The following MSH3 variants were observed in gnomAD, a reference collection of about 807,000 sequenced individuals.
MSH3 encodes the protein DNA mismatch repair protein Msh3.
In MSH3, 106 loss-of-function variants were observed where a neutral mutation model predicts 123.3. The ratio of observed to expected loss-of-function variants is 0.86; its 90% confidence interval spans 0.73 to 1.01. The LOEUF is 1.01. MSH3 is among the 50% of genes least tolerant of loss of function. The probability of loss-of-function intolerance (pLI) is 0.00; values close to 1 mark genes in which losing one functional copy is unlikely to be tolerated. For missense variants in MSH3, 1,459 were observed against 1,347.6 expected, an observed-to-expected ratio of 1.08 and a Z score of -1.29; for synonymous variants, 515 against 481.4, an observed-to-expected ratio of 1.07 and a Z score of -0.91.
At chr5:80,725,360 A>T in intron 8 of MSH3, 93 bp from the exon 9 acceptor site, 1 of 826,396 alleles carries the variant, frequency 1.2e-6, no homozygotes, top group Admixed American at 2.1e-5. Flanking sequence ...ATAAATCTTT[A>T]TCTTTTTTTT....
intron 15 of MSH3, among the ~76,000 whole-genome samples, chr5:80,774,406 CAAA>C (rs201125276): frequency 2.5e-5 from 3 of 121,784 alleles, no homozygotes; most frequent in African/African-American, 2.9e-5. Flanking sequence ...GGAGGTCCCT[CAAA>C]AAAAAAAAAA....
intron 10 of MSH3, among the ~76,000 whole-genome samples, chr5:80,736,620 C>T (rs1312327674): frequency 6.6e-6 from 1 of 152,136 alleles, no homozygotes; most frequent in African/African-American, 2.4e-5. Flanking sequence ...TGTGCCTTAA[C>T]TGTTTGTGCA....
intron 22 of MSH3, among the ~76,000 whole-genome samples, chr5:80,867,598 C>T (rs1303941946): frequency 2.6e-5 from 4 of 152,110 alleles, no homozygotes; most frequent in Non-Finnish European, 4.4e-5. Flanking sequence ...CTTATAAAAT[C>T]AAGGTTTTCT....
rs1746305977 is a variant in MSH3, at chr5:80,876,292, A to G, written c.*430A>G. 1 of 217,034 alleles carries G rather than the reference A, an allele frequency of 4.6e-6. No individual in the cohort carries two copies. Among genetic ancestry groups the G allele is most frequent in the African/African-American group, 2.3e-5 (1 of 43,804 alleles). The allele number at this position is 217,034 out of a possible 1,614,324, so 13.4% of individuals were successfully genotyped here. On this transcript the variant is annotated 3_prime_UTR_variant, in exon 24 of 24. Transcript: ENST00000265081. ...TGCAACCAGTTTATCCACCAAGAAC[A>G]TAAGAATTTTTTATAAGTAGAAAGA...
At chr5:80,874,259 C>T (rs1746269949) in intron 23 of MSH3, among the ~76,000 whole-genome samples, 1 of 152,146 alleles carries the variant, frequency 6.6e-6, no homozygotes, top group African/African-American at 2.4e-5. Flanking sequence ...TACAGTAGTG[C>T]AGTTAACTTC....
intron 10 of MSH3, among the ~76,000 whole-genome samples, chr5:80,730,239 C>T (rs755727895): frequency 6.6e-6 from 1 of 152,118 alleles, no homozygotes; most frequent in Non-Finnish European, 1.5e-5. Flanking sequence ...ATTTCATGAA[C>T]AGTATATTAA....
At chr5:80,776,162 T>C (rs1414250717) in intron 16 of MSH3, among the ~76,000 whole-genome samples, 1 of 152,214 alleles carries the variant, frequency 6.6e-6, no homozygotes, top group Non-Finnish European at 1.5e-5. Context: ...AGTGCTGGGA[T>C]TACAGGCATG....
intron 19 of MSH3, among the ~76,000 whole-genome samples, chr5:80,804,087 TGAA>T (rs1744840406): frequency 6.6e-6 from 1 of 152,280 alleles, no homozygotes; most frequent in Non-Finnish European, 1.5e-5. Flanking sequence ...TCTATTTCTG[TGAA>T]GAACGTCATT....
At chr5:80,838,096 C>T (rs1745550465) in intron 20 of MSH3, among the ~76,000 whole-genome samples, 2 of 152,174 alleles carry the variant, frequency 1.3e-5, no homozygotes, top group Admixed American at 1.3e-4. Flanking sequence ...ATCATATAAT[C>T]GTGAAATTAA....
At chr5:80,662,083 A>T (rs1016516800) in intron 2 of MSH3, among the ~76,000 whole-genome samples, 4 of 152,224 alleles carry the variant, frequency 2.6e-5, no homozygotes, top group African/African-American at 4.8e-5. Flanking sequence ...ATACAACATT[A>T]ATCTCATAAG....
intron 20 of MSH3, among the ~76,000 whole-genome samples, chr5:80,830,477 A>G (rs529831874): frequency 6.6e-6 from 1 of 152,328 alleles, no homozygotes; most frequent in East Asian, 1.9e-4. Context: ...GCCTCTGGTT[A>G]TATTGGGTTC....
rs115462884 is a variant in MSH3 at position 80,690,734 on chromosome 5, A to G, written c.1340+11641A>G. Among the ~76,000 whole-genome samples, 1,146 of 152,352 alleles carry G rather than the reference A, an allele frequency of 7.5e-3. 16 individuals are homozygous for G. The highest frequency in any genetic ancestry group is 0.025 in the African/African-American group (1,043 of 41,590). ...CAGAAATGCAGAAACTGAAGCACGT[A>G]GCAATATTCATTTTAAAAGCTGATA... On this transcript the variant is annotated intron_variant, in intron 8 of 23. Coordinates refer to ENST00000265081, the MANE Select transcript of MSH3 (RefSeq NM_002439.5).
chr5:80,772,382 G>C (rs1189195812), intron 15 of MSH3, among the ~76,000 whole-genome samples: 1 of 152,178 alleles, frequency 6.6e-6, no homozygotes, highest in Non-Finnish European at 1.5e-5. Flanking sequence ...AATGGGTTAA[G>C]TGTGGTGCTG....
At chr5:80,709,347 CGGT>C (rs1406710211) in intron 8 of MSH3, among the ~76,000 whole-genome samples, 3 of 151,702 alleles carry the variant, frequency 2.0e-5, no homozygotes, top group Admixed American at 6.6e-5. Flanking sequence ...GGGCCGGGTG[CGGT>C]GGTGGCTTAC....
At chr5:80,754,427 G>A (rs1020164159) in intron 12 of MSH3, among the ~76,000 whole-genome samples, 2 of 152,040 alleles carry the variant, frequency 1.3e-5, no homozygotes, top group African/African-American at 4.8e-5. Context: ...CAGTGACAAG[G>A]TGGCGTTCCC....
chr5:80,846,532 TAG>T (rs2112097470), intron 20 of MSH3, among the ~76,000 whole-genome samples: 1 of 152,284 alleles, frequency 6.6e-6, no homozygotes, highest in Non-Finnish European at 1.5e-5. Context: ...AGAGAGGCAG[TAG>T]GCCTTGCTGA....
chr5:80,662,015 C>T (rs574485773), intron 2 of MSH3, among the ~76,000 whole-genome samples: 2 of 152,234 alleles, frequency 1.3e-5, no homozygotes, highest in African/African-American at 2.4e-5. Flanking sequence ...ACATTAGTAA[C>T]ATTAAGAATG....
chr5:80,779,362 CAT>C (rs1049625693), intron 17 of MSH3, among the ~76,000 whole-genome samples: 4 of 152,084 alleles, frequency 2.6e-5, no homozygotes, highest in African/African-American at 7.2e-5. Context: ...AGGTTCATCA[CAT>C]GTTAGCATTT....
chr5:80,865,091 C>G (rs1746077276), intron 22 of MSH3, 149 bp downstream of exon 22: 2 of 835,062 alleles, frequency 2.4e-6, no homozygotes, highest in African/African-American at 3.4e-5. Flanking sequence ...TTTTGCTAAG[C>G]TTTAGGTCAA....
Sources: allele counts gnomAD v4.1 joint callset (sites outside exome capture counted in the v4.1 genomes callset), GRCh38; gene constraint gnomAD v4.1.1; transcripts MANE v1.5; gene names NCBI Gene and HGNC (gene_info 2026-07-23, HGNC 2026-07-21).